TNKS2: variants seen among roughly 807,000 people sequenced by gnomAD.
The protein encoded by TNKS2 is tankyrase 2.
A neutral mutation model predicts 137.6 loss-of-function variants in TNKS2; 72 were observed. The observed-to-expected ratio is 0.52, with a 90% CI of 0.43 to 0.64. The LOEUF (loss-of-function observed/expected upper bound fraction) is 0.64, where lower values mean the gene tolerates loss of function less well. Among genes scored for constraint, TNKS2 ranks in the 30% least tolerant of loss-of-function variants. The pLI is 0.00. For synonymous variants in TNKS2, 516 were observed against 512.1 expected (o/e 1.01, Z -0.10); for missense variants, 1,049 against 1,410.2 (o/e 0.74, Z 4.10).
At chr10:91,849,677 C>G in intron 20 of TNKS2, 83 bp downstream of exon 20, 1 of 1,061,740 alleles carries the variant, frequency 9.4e-7, no homozygotes, top group South Asian at 1.6e-5. Flanking sequence ...ATGAGCTGAA[C>G]CATGTAAGCT....
intron 11 of TNKS2, 114 bp downstream of exon 11, chr10:91,831,295 C>G: frequency 1.0e-6 from 1 of 978,834 alleles, no homozygotes; most frequent in Non-Finnish European, 1.6e-6. Context: ...CTTTTTTTTC[C>G]TTATAATCTA....
chr10:91,809,482 C>T (rs531755863), intron 1 of TNKS2, among the ~76,000 whole-genome samples: 160 of 151,912 alleles, frequency 1.1e-3, no homozygotes, highest in African/African-American at 3.3e-3. Context: ...TTGGCTAACA[C>T]GGTGAAACCC....
Position 91,846,302 on chromosome 10 carries a change from G to A in TNKS2, c.2358+362G>A, listed in dbSNP as rs184661344. Reference sequence around the variant, plus strand: ...GGTACAGACCATGGGTCTTACACACGGCCCCAACTGGGAACATTGCCCCCC... The same window carrying A: ...GGTACAGACCATGGGTCTTACACACAGCCCCAACTGGGAACATTGCCCCCC... On this transcript the variant is annotated intron_variant, in intron 18 of 26. Coordinates refer to ENST00000371627, the MANE Select transcript of TNKS2 (RefSeq NM_025235.4). Among the ~76,000 whole-genome samples the A allele has an allele frequency of 6.4e-4, 97 of 152,256 alleles. 1 individual carries two copies. The East Asian group carries it at 0.014, about 22-fold the overall frequency.
At chr10:91,816,686 C>CTTTTT (rs34591746) in intron 2 of TNKS2, among the ~76,000 whole-genome samples, 17,275 of 147,562 alleles carry the variant, frequency 0.12, 1,156 homozygotes, top group Middle Eastern at 0.16. Context: ...GTGTGATTTT[C>CTTTTT]TTTTTTTTTT....
chr10:91,813,010 A>G lies in TNKS2; in HGVS notation c.227A>G (p.Tyr76Cys), dbSNP rs2133600685. ...AGFGRKDVVE[Y>C]LLQNGANVQA... ...TTTGGGCGGAAAGACGTAGTTGAAT[A>G]TTTGCTTCAGAATGGTGCAAATGTC... Residue 76 changes from tyrosine to cysteine, a missense_variant, in exon 2 of 27, where the codon TAT becomes TGT. Around this residue, in one of 6 missense-constraint regions of TNKS2, gnomAD observed 374 missense variants for 460.8 expected, o/e 0.81. Coordinates refer to ENST00000371627, the MANE Select transcript of TNKS2 (RefSeq NM_025235.4). The G allele has an allele frequency of 1.2e-6, 2 of 1,614,120 alleles. No individual in the cohort carries two copies. The highest frequency in any genetic ancestry group is 1.3e-5 in the African/African-American group (1 of 75,030).
At chr10:91,828,773 T>TA (rs1336986551) in intron 9 of TNKS2, among the ~76,000 whole-genome samples, 2 of 152,090 alleles carry the variant, frequency 1.3e-5, no homozygotes, top group African/African-American at 4.8e-5. Flanking sequence ...ATAAAATAAA[T>TA]ACCACCATCC....
intron 7 of TNKS2, among the ~76,000 whole-genome samples, chr10:91,822,691 G>T (rs2133618045): frequency 6.6e-6 from 1 of 151,456 alleles, no homozygotes; most frequent in South Asian, 2.1e-4. Flanking sequence ...ACAGCCTCCT[G>T]AGTAGATGGG....
chr10:91,826,967 C>T, intron 7 of TNKS2, 50 bp from the exon 8 acceptor site: 1 of 1,418,736 alleles, frequency 7.0e-7, no homozygotes, highest in Non-Finnish European at 9.3e-7. Flanking sequence ...ACGAATAATT[C>T]TGAATTCTTT....
In TNKS2 at chr10:91,857,447, A is replaced by G. The variant is rs147361517; in HGVS notation, c.3011A>G (p.Lys1004Arg). Residue 1004 changes from lysine to arginine, a missense_variant, in exon 24 of 27, where the codon AAA (lysine) becomes AGA (arginine). Lys to Arg is a conservative substitution (Grantham distance 26, BLOSUM62 2). Around this residue, in one of 6 missense-constraint regions of TNKS2, gnomAD observed 133 missense variants for 248.4 expected, o/e 0.54. Coordinates refer to ENST00000371627, the MANE Select transcript of TNKS2 (RefSeq NM_025235.4). ...ILKIQKVCNKKLWERYTHRRK... is the reference protein window; with the variant it reads ...ILKIQKVCNKRLWERYTHRRK... ...TAGATTCAGAAGGTTTGTAACAAGA[A>G]ACTATGGGAAAGATACACTCACCGG... 5.6e-6 allele frequency: 9 copies of G among 1,607,688 alleles called. No individual in the cohort carries two copies. The highest frequency in any genetic ancestry group is 7.7e-6 in the Non-Finnish European group (9 of 1,176,286).
intron 7 of TNKS2, among the ~76,000 whole-genome samples, chr10:91,824,694 A>T (rs1672869909): frequency 1.3e-5 from 2 of 152,206 alleles, no homozygotes; most frequent in South Asian, 2.1e-4. Context: ...TTGCAGATTA[A>T]CATGAAGCTG....
At chr10:91,821,060 C>T (rs534908501) in intron 6 of TNKS2, among the ~76,000 whole-genome samples, 2 of 151,974 alleles carry the variant, frequency 1.3e-5, no homozygotes, top group East Asian at 3.9e-4. Flanking sequence ...TTTTTTTAGA[C>T]GGAGTCTTGC....
intron 14 of TNKS2, 85 bp from the exon 15 acceptor site, chr10:91,841,198 A>G (rs1589680288): frequency 8.4e-7 from 1 of 1,193,540 alleles, no homozygotes; most frequent in East Asian, 2.6e-5. Flanking sequence ...ATGTAGTTCA[A>G]GAATTATCTT....
intron 1 of TNKS2, among the ~76,000 whole-genome samples, chr10:91,803,773 G>A (rs2133584283): frequency 6.6e-6 from 1 of 152,278 alleles, no homozygotes. Context: ...GCTTTGTTTT[G>A]TGGCATTTGT....
chr10:91,850,373 A>C (rs1301682956), intron 20 of TNKS2, among the ~76,000 whole-genome samples: 10 of 150,852 alleles, frequency 6.6e-5, no homozygotes, highest in Non-Finnish European at 3.0e-5. Flanking sequence ...GTCTCAAAAA[A>C]AAAAAAAAAA....
chr10:91,837,065 C>G, intron 13 of TNKS2, 67 bp downstream of exon 13: 3 of 1,500,094 alleles, frequency 2.0e-6, no homozygotes, highest in Non-Finnish European at 2.7e-6. Context: ...TTAATCTGTA[C>G]TGTTACAATG....
At chr10:91,862,351 A>G (rs1020407877) in intron 26 of TNKS2, among the ~76,000 whole-genome samples, 196 bp downstream of exon 26, 10 of 152,156 alleles carry the variant, frequency 6.6e-5, no homozygotes, top group African/African-American at 2.4e-4. Flanking sequence ...GATTTCCTAA[A>G]TGTTAATATT....
At chr10:91,831,548 G>T (rs529579052) in intron 11 of TNKS2, among the ~76,000 whole-genome samples, 1 of 152,156 alleles carries the variant, frequency 6.6e-6, no homozygotes, top group East Asian at 1.9e-4. Context: ...CCCAACCACC[G>T]TTTTTGTTTC....
intron 1 of TNKS2, among the ~76,000 whole-genome samples, chr10:91,806,926 T>C (rs186320223): frequency 1.8e-4 from 28 of 151,820 alleles, no homozygotes; most frequent in Middle Eastern, 3.4e-3. Flanking sequence ...TTACCTAACA[T>C]CAAATAATCT....
chr10:91,851,825 A>G (rs1842546404), intron 21 of TNKS2, among the ~76,000 whole-genome samples: 1 of 152,220 alleles, frequency 6.6e-6, no homozygotes, highest in African/African-American at 2.4e-5. Flanking sequence ...AAATTGAACA[A>G]AACAAAGTTG....
Sources: allele counts gnomAD v4.1 joint callset (sites outside exome capture counted in the v4.1 genomes callset), GRCh38; gene constraint gnomAD v4.1.1; regional missense constraint gnomAD v4.1.1; transcripts MANE v1.5; gene names NCBI Gene and HGNC (gene_info 2026-07-23, HGNC 2026-07-21).